The following OSBPL10 variants were observed in gnomAD, a reference collection of about 807,000 sequenced individuals.
OSBPL10 encodes oxysterol-binding protein-related protein 10.
In OSBPL10, 49 loss-of-function variants were observed where a neutral mutation model predicts 81.7. That is an observed-to-expected ratio of 0.60 (90% CI 0.48 to 0.76). The LOEUF (loss-of-function observed/expected upper bound fraction) is 0.76, where lower values mean the gene tolerates loss of function less well. Among genes scored for constraint, OSBPL10 ranks in the 30% least tolerant of loss-of-function variants. The probability of loss-of-function intolerance (pLI) is 0.00; values close to 1 mark genes in which losing one functional copy is unlikely to be tolerated. For synonymous variants in OSBPL10, 419 were observed against 383.6 expected (o/e 1.09, Z -1.08); for missense variants, 923 against 987.8 (o/e 0.93, Z 0.88).
At chr3:31,746,307 T>C (rs1361888979) in intron 5 of OSBPL10, among the ~76,000 whole-genome samples, 1 of 152,136 alleles carries the variant, frequency 6.6e-6, no homozygotes, top group Non-Finnish European at 1.5e-5. Flanking sequence ...GGAGGCAATG[T>C]GCGTTGTCTG....
intron 2 of OSBPL10, chr3:31,989,865 A>T (rs1416818271): frequency 8.1e-6 from 13 of 1,614,180 alleles, no homozygotes; most frequent in Non-Finnish European, 1.1e-5. Flanking sequence ...AATGTGATGT[A>T]TGTGGCAAGG....
In OSBPL10 at chr3:31,706,885, C is replaced by A. The variant is rs1320397518; in HGVS notation, c.1096-4377G>T. On this transcript the variant is annotated intron_variant, in intron 6 of 11. Coordinates refer to ENST00000396556, the MANE Select transcript of OSBPL10 (RefSeq NM_017784.5). ...GCTTCGTTCACTCCACCCATGTCCC[C>A]AAAGGTACTCTCTTTCCTGGCACTT... is the stretch of plus-strand genomic sequence containing the variant. Among the ~76,000 whole-genome samples the A allele has an allele frequency of 4.6e-5, 7 of 152,140 alleles. No individual in the cohort carries two copies. The East Asian group carries it at 1.4e-3, about 29-fold the overall frequency.
At chr3:32,045,122 A>G (rs1237257502) in intron 2 of OSBPL10, among the ~76,000 whole-genome samples, 2 of 152,250 alleles carry the variant, frequency 1.3e-5, no homozygotes, top group East Asian at 1.9e-4. Context: ...TTAAGATGGC[A>G]TAGTGGGTGG....
chr3:31,671,973 T>G (rs1356261463), intron 8 of OSBPL10, among the ~76,000 whole-genome samples: 1 of 152,118 alleles, frequency 6.6e-6, no homozygotes, highest in African/African-American at 2.4e-5. Flanking sequence ...TCCCTAGAGA[T>G]GCATATTCTT....
At position 31,990,548 on chromosome 3, in the gene OSBPL10, C is replaced by A. The variant is rs1319025032; in HGVS notation, n.298+55943G>T. On this transcript the variant is annotated intron_variant and non_coding_transcript_variant, in intron 2 of 3. Transcript: ENST00000479173. ...TACAAGTGTAATGAGTGTGGCAAGACCTTCCGTCACAATTCAGCCCTTGTA... is the reference window on the plus strand; with the variant it reads ...TACAAGTGTAATGAGTGTGGCAAGAACTTCCGTCACAATTCAGCCCTTGTA... 3 of 1,607,928 alleles carry A rather than the reference C, an allele frequency of 1.9e-6. No individual in the cohort carries two copies. The East Asian group carries it at 6.8e-5, about 36-fold the overall frequency.
At chr3:31,969,049 A>G (rs896506450) in intron 1 of OSBPL10, among the ~76,000 whole-genome samples, 6 of 152,222 alleles carry the variant, frequency 3.9e-5, no homozygotes, top group African/African-American at 1.4e-4. Flanking sequence ...CACACACAAA[A>G]AAGTTCTGTG....
rs554736222 is a variant in OSBPL10 at position 31,757,926 on chromosome 3, G to A, written c.730-9806C>T. 6.6e-5 allele frequency among the ~76,000 whole-genome samples: 10 copies of A among 152,232 alleles called. No individual in the cohort carries two copies. In the South Asian group the frequency reaches 1.7e-3, roughly 25 times the overall value. ...TTGAGAAACTACAGACACCAGAACAGCTCTGAAAACAAAGAAGTTATCCTT... is the reference window on the plus strand; with the variant it reads ...TTGAGAAACTACAGACACCAGAACAACTCTGAAAACAAAGAAGTTATCCTT... On this transcript the variant is annotated intron_variant, in intron 4 of 11. Transcript: ENST00000396556.
intron 1 of OSBPL10, among the ~76,000 whole-genome samples, chr3:31,936,015 G>A (rs1402273241): frequency 6.6e-6 from 1 of 151,890 alleles, no homozygotes; most frequent in Non-Finnish European, 1.5e-5. Context: ...TTACAGGTTG[G>A]GCCATACCCC....
chr3:32,047,509 A>G (rs1233812947), intron 1 of OSBPL10, among the ~76,000 whole-genome samples: 2 of 152,100 alleles, frequency 1.3e-5, no homozygotes, highest in Non-Finnish European at 2.9e-5. Flanking sequence ...CATGGCATTT[A>G]TAAACTGTCA....
chr3:32,066,161 A>AAGGAAGGAAGGAAGG, intron 1 of OSBPL10, among the ~76,000 whole-genome samples: 1 of 53,428 alleles, frequency 1.9e-5, no homozygotes, highest in African/African-American at 4.6e-5. Context: ...AGAAAGGAAG[A>AAGGAAGGAAGGAAGG]AAGGAAGGAA....
At chr3:31,943,196 T>C (rs966442493) in intron 1 of OSBPL10, among the ~76,000 whole-genome samples, 3 of 152,256 alleles carry the variant, frequency 2.0e-5, no homozygotes, top group Admixed American at 6.5e-5. Flanking sequence ...CTACATTCCT[T>C]TTCATGACTA....
At chr3:31,743,198 G>A (rs1038697749) in intron 5 of OSBPL10, among the ~76,000 whole-genome samples, 1 of 151,774 alleles carries the variant, frequency 6.6e-6, no homozygotes, top group Admixed American at 6.6e-5. Flanking sequence ...CCGCCACGAC[G>A]CCCAGATAAT....
rs902190119 is a variant in OSBPL10, at chr3:31,913,288, G to A, written c.282-33458C>T. 3.5e-4 allele frequency among the ~76,000 whole-genome samples: 52 copies of A among 149,438 alleles called. 1 individual carries two copies. Among genetic ancestry groups the A allele is most frequent in the East Asian group, 3.9e-4 (2 of 5,088 alleles). ...CTTTAAGATGGAGTCTCTCTCTGTC[G>A]CCCAGGCTGGAGTACAGTGGCACGA... On this transcript the variant is annotated intron_variant, in intron 1 of 11. Coordinates refer to ENST00000396556, the MANE Select transcript of OSBPL10 (RefSeq NM_017784.5).
At chr3:31,882,053 C>G (rs1472178472) in intron 1 of OSBPL10, among the ~76,000 whole-genome samples, 6 of 152,188 alleles carry the variant, frequency 3.9e-5, no homozygotes, top group Admixed American at 3.9e-4. Flanking sequence ...TTCTCCAAAT[C>G]TCCCTGTTCC....
At chr3:31,979,497 T>A (rs1489084733) in intron 1 of OSBPL10, among the ~76,000 whole-genome samples, 1 of 152,096 alleles carries the variant, frequency 6.6e-6, no homozygotes, top group Non-Finnish European at 1.5e-5. Context: ...CAGGAAGAGA[T>A]AACCAAGTAA....
At chr3:31,918,905 C>G (rs1053370633) in intron 1 of OSBPL10, among the ~76,000 whole-genome samples, 2 of 152,304 alleles carry the variant, frequency 1.3e-5, no homozygotes, top group Admixed American at 1.3e-4. Flanking sequence ...ATGCAGGCCA[C>G]AAATAGCCCA....
At position 31,744,761 on chromosome 3, in the gene OSBPL10, A is replaced by T. The variant is rs543632774; in HGVS notation, c.940+3149T>A. ...GCTTTGTTCCCCTGGGCCCTTAAAA[A>T]TGCCAGAGAGCCAATGAAAATTAGG... On this transcript the variant is annotated intron_variant, in intron 5 of 11. Coordinates refer to ENST00000396556, the MANE Select transcript of OSBPL10 (RefSeq NM_017784.5). Among the ~76,000 whole-genome samples the T allele has an allele frequency of 2.0e-4, 30 of 147,804 alleles. No individual in the cohort carries two copies. In the South Asian group the frequency reaches 6.8e-3, roughly 33 times the overall value.
chr3:31,707,432 CT>C (rs1355634084), intron 6 of OSBPL10: 4 of 152,248 alleles, frequency 2.6e-5, no homozygotes, highest in African/African-American at 4.8e-5. Flanking sequence ...ATCAAATTCT[CT>C]TTTAGCAGCA....
intron 4 of OSBPL10, among the ~76,000 whole-genome samples, chr3:31,821,793 T>C (rs1699987324): frequency 1.3e-5 from 2 of 152,206 alleles, no homozygotes; most frequent in African/African-American, 2.4e-5. Flanking sequence ...GGTGATGGGA[T>C]TGTCTGTATT....
Sources: allele counts gnomAD v4.1 joint callset (sites outside exome capture counted in the v4.1 genomes callset), GRCh38; gene constraint gnomAD v4.1.1; transcripts MANE v1.5; gene names NCBI Gene and HGNC (gene_info 2026-07-23, HGNC 2026-07-21).